The following CCDC7 variants were observed in gnomAD, a reference collection of about 807,000 sequenced individuals.
CCDC7 encodes coiled-coil domain-containing protein 7.
CCDC7 carries 183 observed loss-of-function variants against 196.9 expected under a neutral mutation model. That is an observed-to-expected ratio of 0.93 (90% CI 0.82 to 1.05). CCDC7 has a LOEUF of 1.05. Among genes scored for constraint, CCDC7 ranks in the 50% least tolerant of loss-of-function variants. The pLI, the probability that CCDC7 is intolerant of heterozygous loss-of-function variation, is 0.00. For missense variants in CCDC7, 1,540 were observed against 1,482.2 expected (o/e 1.04, Z -0.64); for synonymous variants, 525 against 484.6 (o/e 1.08, Z -1.10).
At chr10:32,876,922 T>C (rs1397991234), downstream of CCDC7, 9 of 152,136 alleles carry the variant, frequency 5.9e-5, no homozygotes, top group Non-Finnish European at 1.3e-4. Context: ...TATTATTGGC[T>C]ATAAAATTGT....
chr10:32,849,168 T>G (rs1240847379), intron 39 of CCDC7, among the ~76,000 whole-genome samples: 3 of 151,976 alleles, frequency 2.0e-5, no homozygotes, highest in African/African-American at 7.2e-5. Flanking sequence ...TATCTCACTC[T>G]TATTTTAATT....
intron 16 of CCDC7, among the ~76,000 whole-genome samples, chr10:32,572,701 T>C (rs1039208648): frequency 3.3e-5 from 5 of 152,108 alleles, no homozygotes; most frequent in African/African-American, 1.2e-4. Context: ...TGCAAACTTA[T>C]AATGGTTGGT....
At chr10:32,670,870 C>G (rs1187682974) in intron 21 of CCDC7, among the ~76,000 whole-genome samples, 2 of 151,050 alleles carry the variant, frequency 1.3e-5, no homozygotes, top group East Asian at 3.9e-4. Context: ...TTAGTTTGTT[C>G]TATTTTCCTT....
intron 9 of CCDC7, chr10:32,511,805 T>C: frequency 1.9e-6 from 2 of 1,075,320 alleles, no homozygotes; most frequent in East Asian, 2.5e-5. Flanking sequence ...ATGACGACAA[T>C]GACGCGCCAG....
chr10:32,584,412 C>T, intron 18 of CCDC7, 108 bp downstream of exon 19: 1 of 670,532 alleles, frequency 1.5e-6, no homozygotes, highest in Non-Finnish European at 2.4e-6. Flanking sequence ...ATACAAACAA[C>T]TTGTTAGGGA....
intron 18 of CCDC7, among the ~76,000 whole-genome samples, chr10:32,597,215 G>C (rs191888979): frequency 5.3e-5 from 8 of 152,246 alleles, no homozygotes. Context: ...TGGAGGCTTT[G>C]TTCATTTCTT....
At chr10:32,462,863 C>T in intron 4 of CCDC7, 154 bp from the exon 6 acceptor site, 5 of 1,305,490 alleles carry the variant, frequency 3.8e-6, no homozygotes, top group African/African-American at 1.5e-5. Context: ...TGCATTAGCC[C>T]CATTCTGAAT....
chr10:32,503,087 C>G (rs1156875143), intron 9 of CCDC7, among the ~76,000 whole-genome samples: 1 of 152,124 alleles, frequency 6.6e-6, no homozygotes, highest in Non-Finnish European at 1.5e-5. Context: ...AGTATATCAT[C>G]TGGAAACAAA....
At chr10:32,462,753 TAC>T (rs1248996893) in intron 4 of CCDC7, 50 bp downstream of exon 5, 3 of 1,420,382 alleles carry the variant, frequency 2.1e-6, no homozygotes, top group Non-Finnish European at 2.9e-6. Flanking sequence ...AACACAGAAA[TAC>T]ATGCCAATGA....
chr10:32,854,514 C>CA, intron 41 of CCDC7, 25 bp downstream of exon 42: 1 of 1,324,890 alleles, frequency 7.5e-7, no homozygotes, highest in South Asian at 1.2e-5. Context: ...ACAATACAGA[C>CA]ATATGAAATA....
intron 23 of CCDC7, 25 bp from the exon 25 acceptor site, chr10:32,694,854 A>C: frequency 7.4e-7 from 1 of 1,359,254 alleles, no homozygotes; most frequent in Non-Finnish European, 1.0e-6. Context: ...TTCCATTAAG[A>C]GACTAAATGC....
At chr10:32,617,592 A>G (rs1309250061) in intron 18 of CCDC7, among the ~76,000 whole-genome samples, 3 of 151,598 alleles carry the variant, frequency 2.0e-5, no homozygotes, top group Non-Finnish European at 3.0e-5. Context: ...TATTTTTATC[A>G]TTTCTGAAGT....
chr10:32,710,147 C>T (rs901711565), intron 24 of CCDC7, among the ~76,000 whole-genome samples: 3 of 152,156 alleles, frequency 2.0e-5, no homozygotes, highest in Non-Finnish European at 4.4e-5. Context: ...TTTATAGTGA[C>T]ACAGCCCACA....
intron 33 of CCDC7, among the ~76,000 whole-genome samples, chr10:32,836,194 A>G (rs1432218073): frequency 2.0e-5 from 3 of 152,024 alleles, no homozygotes; most frequent in Non-Finnish European, 4.4e-5. Flanking sequence ...CATTAAAGAG[A>G]GCCCCCTGAA....
rs532622680 is a variant in CCDC7, at chr10:32,634,523, A to G, written c.1912+159A>G. Reference sequence around the variant, plus strand: ...GCGATTCTCCTGCCCCAGACTCCCGAGTAGCTGGGATTACAGGTGCACGTC... The same window carrying G: ...GCGATTCTCCTGCCCCAGACTCCCGGGTAGCTGGGATTACAGGTGCACGTC... On this transcript the variant is annotated intron_variant, in intron 19 of 41. Coordinates refer to ENST00000639629, the Ensembl canonical transcript of CCDC7. Among the ~76,000 whole-genome samples, 1,203 of 152,152 alleles carry G rather than the reference A, an allele frequency of 7.9e-3. 7 individuals carry two copies. Among genetic ancestry groups the G allele is most frequent in the Middle Eastern group, 0.02 (6 of 294 alleles).
chr10:32,849,772 G>GTTGT (rs1184287658), intron 39 of CCDC7, among the ~76,000 whole-genome samples: 1 of 150,502 alleles, frequency 6.6e-6, no homozygotes, highest in Non-Finnish European at 1.5e-5. Flanking sequence ...TAAGTATAAA[G>GTTGT]TTGTTAACTT....
Position 32,834,999 on chromosome 10 carries a change from C to T in CCDC7, c.3352+101C>T, listed in dbSNP as rs12251912. ...AACTGTAGCTGTAAGTTATTACATGCGAAAATATCTTCATGAATTTCCTCC... is the reference window on the plus strand; with the variant it reads ...AACTGTAGCTGTAAGTTATTACATGTGAAAATATCTTCATGAATTTCCTCC... On this transcript the variant is annotated intron_variant, in intron 33 of 41. Transcript: ENST00000639629. 3,564 of 497,604 alleles carry T rather than the reference C, an allele frequency of 7.2e-3. 106 individuals carry two copies. The highest frequency in any genetic ancestry group is 0.064 in the African/African-American group (3,215 of 49,990). 30.8% of individuals were successfully genotyped at this position (497,604 alleles called of 1,614,324 possible).
At chr10:32,846,354 T>C in intron 36 of CCDC7, 22 bp from the exon 38 acceptor site, 2 of 1,370,612 alleles carry the variant, frequency 1.5e-6, no homozygotes, top group Non-Finnish European at 2.1e-6. Flanking sequence ...TAAAGTATTT[T>C]GAAATCTGTT....
chr10:32,704,248 G>T (rs763797997), intron 24 of CCDC7, among the ~76,000 whole-genome samples: 27 of 152,132 alleles, frequency 1.8e-4, no homozygotes, highest in Non-Finnish European at 5.9e-5. Context: ...TCAGCTGCAG[G>T]TCTGTTGGAG....
Sources: gnomAD v4.1 joint callset for allele counts (sites outside exome capture counted in the v4.1 genomes callset) on GRCh38, gnomAD v4.1.1 for gene constraint, MANE v1.5 for transcripts, NCBI Gene and HGNC (gene_info 2026-07-23, HGNC 2026-07-21) for gene names.